The following SNX14 variants were observed in gnomAD, a reference collection of about 807,000 sequenced individuals.
SNX14 encodes sorting nexin-14.
Under a neutral mutation model 133.8 loss-of-function variants are expected in SNX14, and 93 were observed. The observed-to-expected ratio is 0.70, with a 90% CI of 0.59 to 0.83. The LOEUF is 0.83. SNX14 is among the 40% of genes least tolerant of loss of function. The pLI is 0.00. For synonymous variants in SNX14, 368 were observed against 365.6 expected (o/e 1.01, Z -0.07); for missense variants, 945 against 1,094.9 (o/e 0.86, Z 1.93).
intron 7 of SNX14, among the ~76,000 whole-genome samples, chr6:85,553,196 G>A (rs1788402328): frequency 6.6e-6 from 1 of 152,176 alleles, no homozygotes; most frequent in Admixed American, 6.5e-5. Flanking sequence ...TGGGCAAGCA[G>A]ACCCGAGTTC....
chr6:85,521,249 T>C lies in SNX14; in HGVS notation c.2108-3201A>G, dbSNP rs1776755698. On this transcript the variant is annotated intron_variant, in intron 21 of 28. Coordinates refer to ENST00000314673, the MANE Select transcript of SNX14 (RefSeq NM_153816.6). ...TTGTGAAGTGTTTTTTCTTTTGTTT[T>C]TAGAGAAAGGGTCTCACTCTGTCAC... is the stretch of plus-strand genomic sequence containing the variant. Among the ~76,000 whole-genome samples the C allele has an allele frequency of 3.3e-5, 5 of 152,312 alleles. No homozygotes were observed. In the South Asian group the frequency reaches 1.0e-3, roughly 32 times the overall value.
Position 85,545,601 on chromosome 6 carries a change from A to T in SNX14, c.1108+1511T>A, listed in dbSNP as rs535882289. 9.2e-4 allele frequency among the ~76,000 whole-genome samples: 140 copies of T among 152,366 alleles called. 1 individual carries two copies. The highest frequency in any genetic ancestry group is 1.5e-3 in the Non-Finnish European group (104 of 68,034). ...TCATTAAGAAGATATAACAATCTTA[A>T]ATGTGTCTGCACCTAATAATGAAGT... On this transcript the variant is annotated intron_variant, in intron 12 of 28. Coordinates refer to ENST00000314673, the MANE Select transcript of SNX14 (RefSeq NM_153816.6).
intron 19 of SNX14, among the ~76,000 whole-genome samples, chr6:85,528,997 A>G (rs1360420876): frequency 6.7e-6 from 1 of 150,240 alleles, no homozygotes; most frequent in Non-Finnish European, 1.5e-5. Context: ...GGTTGCTGGG[A>G]GTTGAGAGCA....
chr6:85,558,184 AAC>A (rs1284485915), intron 6 of SNX14, 124 bp from the exon 7 acceptor site: 2 of 583,186 alleles, frequency 3.4e-6, no homozygotes, highest in African/African-American at 1.9e-5. Context: ...TTTCAAAAAT[AAC>A]ACTTTATATT....
Position 85,547,568 on chromosome 6 carries a change from A to G in SNX14, c.868-18T>C. 6.4e-7 allele frequency: 1 copy of G among 1,572,428 alleles called. No homozygotes were observed. On this transcript the variant is annotated intron_variant, in intron 9 of 28. Transcript: ENST00000314673. ...ACAGTATCCTAGTGGAAAATAATAA[A>G]CATAAGTCAAAATAATTCCACTACT...
intron 1 of SNX14, among the ~76,000 whole-genome samples, chr6:85,586,431 T>G (rs1041887443): frequency 6.6e-6 from 1 of 152,172 alleles, no homozygotes; most frequent in African/African-American, 2.4e-5. Context: ...CAAATAGGAG[T>G]ACAACTTGTT....
intron 8 of SNX14, among the ~76,000 whole-genome samples, chr6:85,548,987 A>T (rs1173114479): frequency 1.1e-5 from 1 of 87,502 alleles, no homozygotes; most frequent in Non-Finnish European, 2.1e-5. Flanking sequence ...AAAAAAAAAA[A>T]AGAAAGAAAG....
chr6:85,507,165 C>T lies in SNX14; in HGVS notation c.2802+68G>A, dbSNP rs1171713373. The T allele has an allele frequency of 9.1e-6, 12 of 1,320,680 alleles. No individual in the cohort carries two copies. In the Admixed American group the frequency reaches 1.1e-4, roughly 12 times the overall value. The allele number at this position is 1,320,680 out of a possible 1,614,324, so 81.8% of individuals were successfully genotyped here. On this transcript the variant is annotated intron_variant, in intron 28 of 28. Transcript: ENST00000314673. Reference sequence around the variant, plus strand: ...GACAAGGGTTTTCTTACATTTATGTCCCTAATTAAAATAAATGTCAGCATA... The same window carrying T: ...GACAAGGGTTTTCTTACATTTATGTTCCTAATTAAAATAAATGTCAGCATA...
intron 24 of SNX14, 89 bp from the exon 25 acceptor site, chr6:85,514,323 G>C: frequency 6.6e-7 from 1 of 1,507,524 alleles, no homozygotes. Flanking sequence ...AATGACCATG[G>C]TCAATATTTT....
At chr6:85,508,464 G>T in intron 26 of SNX14, 1 of 824,752 alleles carries the variant, frequency 1.2e-6, no homozygotes, top group Non-Finnish European at 1.5e-6. Flanking sequence ...AAAAATGTAA[G>T]GATTAACACC....
chr6:85,574,263 G>T lies in SNX14; in HGVS notation c.256C>A (p.Pro86Thr). 1 of 1,578,344 alleles carries T rather than the reference G, an allele frequency of 6.3e-7. No individual in the cohort carries two copies. Among genetic ancestry groups the T allele is most frequent in the Non-Finnish European group, 8.6e-7 (1 of 1,156,454 alleles). The change falls in exon 2 of 29, where the codon CCC (proline) becomes ACC (threonine). Residue 86 changes from proline (P) to threonine (T), a missense_variant. By Grantham distance (38) the Pro-to-Thr change is conservative. Around this residue, in one of 3 missense-constraint regions of SNX14, gnomAD observed 514 missense variants for 538.8 expected, o/e 0.95. Transcript: ENST00000314673. ...PNIFFTIKYK[P>T]KQLGLQELFP... ...ATAAGAACACATAATTTTACCTTGG[G>T]TTTGTATTTTATTGTGAAGAATATA...
intron 4 of SNX14, among the ~76,000 whole-genome samples, chr6:85,571,125 G>A (rs891919844): frequency 3.9e-5 from 6 of 152,024 alleles, no homozygotes; most frequent in African/African-American, 1.2e-4. Context: ...GGCCGACGTG[G>A]GTGGATCACG....
chr6:85,591,862 A>T (rs1352340483), intron 1 of SNX14, among the ~76,000 whole-genome samples: 2 of 152,206 alleles, frequency 1.3e-5, no homozygotes, highest in East Asian at 3.9e-4. Context: ...AATGTAAAAA[A>T]AGTAGCCGGG....
Position 85,517,765 on chromosome 6 carries a change from G to GT in SNX14, c.2258dup (p.Asn753LysfsTer8). The stretch of plus-strand genomic sequence containing the variant: ...ATGCAATGTGCAGTACCTTCTTGTT[G>GT]TTTTCTGAAGTAGGGCTGAGAATGG... On this transcript the variant is annotated frameshift_variant, in exon 23 of 29. Coordinates refer to ENST00000314673, the MANE Select transcript of SNX14 (RefSeq NM_153816.6). LOFTEE classifies it high-confidence loss of function. The GT allele has an allele frequency of 1.3e-6, 2 of 1,597,450 alleles. No homozygotes were observed. The highest frequency in any genetic ancestry group is 1.7e-6 in the Non-Finnish European group (2 of 1,175,880).
rs186079445 is a variant in SNX14, at chr6:85,548,088, G to T, written c.867+213C>A. ...AAGCAGAATGGTGGTTGCCAGGGGG[G>T]GCTGGAGGGAGGAAGGAATGAGGAG... On this transcript the variant is annotated intron_variant, in intron 9 of 28. Transcript: ENST00000314673. Among the ~76,000 whole-genome samples the T allele has an allele frequency of 3.8e-4, 58 of 152,284 alleles. No homozygotes were observed. In the South Asian group the frequency reaches 4.8e-3, roughly 13 times the overall value.
At chr6:85,582,996 T>C (rs1799516083) in intron 1 of SNX14, among the ~76,000 whole-genome samples, 1 of 152,160 alleles carries the variant, frequency 6.6e-6, no homozygotes, top group South Asian at 2.1e-4. Flanking sequence ...CCAATATCCC[T>C]GATGAACATC....
At chr6:85,516,830 G>A (rs968622828) in intron 23 of SNX14, among the ~76,000 whole-genome samples, 1 of 151,970 alleles carries the variant, frequency 6.6e-6, no homozygotes, top group African/African-American at 2.4e-5. Context: ...TAGAGGCAGG[G>A]TTTCACCAAG....
In SNX14 at chr6:85,549,846, A is replaced by G. The variant is rs1329059796; in HGVS notation, c.668T>C (p.Leu223Ser). The change falls in exon 8 of 29, where the codon TTA becomes TCA. Residue 223 changes from leucine (L) to serine (S), a missense_variant. Leu to Ser is a moderately radical substitution (Grantham distance 145). Coordinates refer to ENST00000314673, the MANE Select transcript of SNX14 (RefSeq NM_153816.6). ...ATGAAGCTCTGGACCATATTCTTCTAAAGCAGCTTGCTGTAAAAACTCTGT... is the reference window on the plus strand; with the variant it reads ...ATGAAGCTCTGGACCATATTCTTCTGAAGCAGCTTGCTGTAAAAACTCTGT... ...KNTEFLQQAALEEYGPELHVA... is the reference protein window; with the variant it reads ...KNTEFLQQAASEEYGPELHVA... 1 of 1,612,470 alleles carries G rather than the reference A, an allele frequency of 6.2e-7. No homozygotes were observed. Among genetic ancestry groups the G allele is most frequent in the Non-Finnish European group, 8.5e-7 (1 of 1,179,374 alleles).
intron 26 of SNX14, among the ~76,000 whole-genome samples, chr6:85,510,033 T>A (rs577081374): frequency 2.0e-5 from 3 of 152,184 alleles, no homozygotes; most frequent in African/African-American, 4.8e-5. Context: ...AGTTTATTTA[T>A]CCATTCACCT....
Sources: allele counts gnomAD v4.1 joint callset (sites outside exome capture counted in the v4.1 genomes callset), GRCh38; gene constraint gnomAD v4.1.1; regional missense constraint gnomAD v4.1.1; transcripts MANE v1.5; gene names NCBI Gene and HGNC (gene_info 2026-07-23, HGNC 2026-07-21).